The following GRB2 variants were observed in gnomAD, a reference collection of about 807,000 sequenced individuals.
GRB2 encodes growth factor receptor-bound protein 2.
GRB2 carries 2 observed loss-of-function variants against 27.4 expected under a neutral mutation model. The observed-to-expected ratio is 0.07, with a 90% CI of 0.03 to 0.23. GRB2 has a LOEUF of 0.23. Ranked by LOEUF, GRB2 falls within the 10% of genes least tolerant of loss-of-function variation. The probability of loss-of-function intolerance (pLI) is 1.00; values close to 1 mark genes in which losing one functional copy is unlikely to be tolerated. For synonymous variants in GRB2, 94 were observed against 99.6 expected (o/e 0.94, Z 0.33); for missense variants, 102 against 282.4 (o/e 0.36, Z 4.58).
chr17:75,368,853 A>G (rs997045348), intron 2 of GRB2, among the ~76,000 whole-genome samples: 1 of 151,900 alleles, frequency 6.6e-6, no homozygotes, highest in Non-Finnish European at 1.5e-5. Context: ...GATAAATATG[A>G]CTCTTTTCCA....
chr17:75,358,897 AAT>A (rs1190238331), intron 2 of GRB2, among the ~76,000 whole-genome samples: 11 of 83,926 alleles, frequency 1.3e-4, no homozygotes, highest in Non-Finnish European at 2.7e-4. Context: ...AAAAAAAAAA[AAT>A]TATATATATA....
chr17:75,399,541 T>C (rs534933010), intron 1 of GRB2, among the ~76,000 whole-genome samples: 1 of 151,576 alleles, frequency 6.6e-6, no homozygotes, highest in Non-Finnish European at 1.5e-5. Context: ...CTAACTTTTG[T>C]ATTTTTAGTA....
At chr17:75,327,168 G>A (rs2145821743) in intron 3 of GRB2, among the ~76,000 whole-genome samples, 1 of 147,886 alleles carries the variant, frequency 6.8e-6, no homozygotes, top group East Asian at 2.0e-4. Flanking sequence ...CCGGGTTCAC[G>A]CCATTCTCCT....
intron 3 of GRB2, among the ~76,000 whole-genome samples, chr17:75,331,723 T>C (rs1012041779): frequency 6.6e-6 from 1 of 152,198 alleles, no homozygotes. Flanking sequence ...CAAGGAATAT[T>C]TGACAGGATT....
intron 2 of GRB2, among the ~76,000 whole-genome samples, chr17:75,368,381 A>G (rs1159528425): frequency 6.7e-6 from 1 of 149,568 alleles, no homozygotes; most frequent in Non-Finnish European, 1.5e-5. Flanking sequence ...GTGCTCAGCT[A>G]ATTTTTGTTT....
chr17:75,385,100 G>C (rs892903931), intron 2 of GRB2, among the ~76,000 whole-genome samples: 2 of 148,450 alleles, frequency 1.3e-5, no homozygotes, highest in Admixed American at 1.4e-4. Context: ...AATTATCCAG[G>C]TGTGGTAGTG....
At position 75,404,280 on chromosome 17, in the gene GRB2, G is replaced by T. The variant is rs370433189; in HGVS notation, c.-138+1209C>A. On this transcript the variant is annotated intron_variant, in intron 1 of 5. Coordinates refer to ENST00000316804, the MANE Select transcript of GRB2 (RefSeq NM_002086.5). ...GTGGCAGGACTGATTTCTTAGGGAT[G>T]AATTCAATCTTTTGAGCCTCCCCGT... Among the ~76,000 whole-genome samples, 65 of 152,216 alleles carry T rather than the reference G, an allele frequency of 4.3e-4. 1 individual carries two copies. The East Asian group carries it at 8.7e-3, about 20-fold the overall frequency.
At chr17:75,366,638 C>T (rs2078821829) in intron 2 of GRB2, among the ~76,000 whole-genome samples, 2 of 151,962 alleles carry the variant, frequency 1.3e-5, no homozygotes, top group Non-Finnish European at 2.9e-5. Flanking sequence ...AAAACCCCAT[C>T]TCCACAAAAA....
chr17:75,404,999 G>A (rs750667190), intron 1 of GRB2: 2 of 151,534 alleles, frequency 1.3e-5, no homozygotes, highest in Non-Finnish European at 2.9e-5. Flanking sequence ...TATCTCCCCC[G>A]GCTCCAGCAG....
intron 2 of GRB2, among the ~76,000 whole-genome samples, chr17:75,345,498 A>C (rs1375704073): frequency 6.6e-6 from 1 of 152,180 alleles, no homozygotes; most frequent in African/African-American, 2.4e-5. Flanking sequence ...CTATTCACCA[A>C]CGTGTGCATA....
chr17:75,355,383 C>G (rs928855918), intron 2 of GRB2, among the ~76,000 whole-genome samples: 8 of 152,094 alleles, frequency 5.3e-5, no homozygotes, highest in African/African-American at 1.9e-4. Context: ...CTTTCTGGAA[C>G]AGTTGTCTAT....
At chr17:75,367,585 T>C (rs1220239769) in intron 2 of GRB2, among the ~76,000 whole-genome samples, 6 of 152,230 alleles carry the variant, frequency 3.9e-5, no homozygotes, top group African/African-American at 7.2e-5. Context: ...CTGGGAAATA[T>C]GCATAAAGAA....
chr17:75,344,341 G>A (rs2078640931), intron 2 of GRB2: 1 of 151,588 alleles, frequency 6.6e-6, no homozygotes, highest in Non-Finnish European at 1.5e-5. Flanking sequence ...ATTTATTAAT[G>A]GTATCAGAAC....
Position 75,393,542 on chromosome 17 carries a change from A to G in GRB2, c.78+9T>C, listed in dbSNP as rs993529366. On this transcript the variant is annotated intron_variant, in intron 2 of 5. Transcript: ENST00000316804. The stretch of plus-strand genomic sequence containing the variant: ...CGATCTCAGCATTGTGCTCGGCATC[A>G]GCACTTACCTTGAGGATGTCCCCCC... The G allele has an allele frequency of 1.2e-5, 20 of 1,610,340 alleles. No homozygotes were observed. In the African/African-American group the frequency reaches 2.0e-4, roughly 16 times the overall value.
chr17:75,349,731 G>T (rs1231040719), intron 2 of GRB2, among the ~76,000 whole-genome samples: 1 of 151,922 alleles, frequency 6.6e-6, no homozygotes, highest in Admixed American at 6.6e-5. Context: ...TTTTGGCCAA[G>T]CTGGTCTTGA....
intron 1 of GRB2, among the ~76,000 whole-genome samples, chr17:75,404,680 A>G (rs185034377): frequency 6.6e-6 from 1 of 152,294 alleles, no homozygotes; most frequent in Non-Finnish European, 1.5e-5. Flanking sequence ...AAATAGACTA[A>G]TGCTAATTTC....
chr17:75,330,428 C>T lies in GRB2; in HGVS notation c.176+2272G>A, dbSNP rs552501974. ...ACAAAAGATGGGCTTTGGCAGGGTG[C>T]GGTGGCTTACACCTGTAATCCCAGC... On this transcript the variant is annotated intron_variant, in intron 3 of 5. Coordinates refer to ENST00000316804, the MANE Select transcript of GRB2 (RefSeq NM_002086.5). 3.3e-5 allele frequency among the ~76,000 whole-genome samples: 5 copies of T among 151,148 alleles called. No individual in the cohort carries two copies. In the South Asian group the frequency reaches 1.1e-3, roughly 32 times the overall value.
At chr17:75,381,929 A>G (rs1289378976) in intron 2 of GRB2, among the ~76,000 whole-genome samples, 2 of 151,706 alleles carry the variant, frequency 1.3e-5, no homozygotes, top group Non-Finnish European at 2.9e-5. Context: ...GGCTTTTGCC[A>G]TTTTGTTAAA....
intron 2 of GRB2, among the ~76,000 whole-genome samples, chr17:75,386,356 G>C (rs527375856): frequency 3.0e-4 from 45 of 152,254 alleles, no homozygotes; most frequent in Admixed American, 1.0e-3. Flanking sequence ...GACCTCAAGT[G>C]ATCTACCCGC....
Sources: allele counts gnomAD v4.1 joint callset (sites outside exome capture counted in the v4.1 genomes callset), GRCh38; gene constraint gnomAD v4.1.1; transcripts MANE v1.5; gene names NCBI Gene and HGNC (gene_info 2026-07-23, HGNC 2026-07-21).